Variants in BAZ2B observed in about 807,000 individuals in gnomAD.
BAZ2B encodes bromodomain adjacent to zinc finger domain 2B.
Under a neutral mutation model 246.0 loss-of-function variants are expected in BAZ2B, and 91 were observed. The ratio of observed to expected loss-of-function variants is 0.37; its 90% CI spans 0.31 to 0.44. The LOEUF (loss-of-function observed/expected upper bound fraction) is 0.44. Among genes scored for constraint, BAZ2B ranks in the 20% least tolerant of loss-of-function variants. The pLI is 1.00. For missense variants in BAZ2B, 2,332 were observed against 2,533.7 expected, an observed-to-expected ratio of 0.92 and a Z score of 1.71; for synonymous variants, 855 against 860.0, an observed-to-expected ratio of 0.99 and a Z score of 0.10.
At chr2:159,485,475 G>T (rs2079711890) in intron 2 of BAZ2B, among the ~76,000 whole-genome samples, 1 of 151,944 alleles carries the variant, frequency 6.6e-6, no homozygotes, top group African/African-American at 2.4e-5. Flanking sequence ...AAAATGAATT[G>T]CTTTTTTTGT....
At chr2:159,338,548 C>G (rs919187788) in intron 31 of BAZ2B, among the ~76,000 whole-genome samples, 19 of 152,156 alleles carry the variant, frequency 1.2e-4, no homozygotes, top group Admixed American at 1.2e-3. Flanking sequence ...ACTGAACAAT[C>G]AATGATCCTG....
the BAZ2B span, chr2:159,712,307 C>A: frequency 2.6e-5 from 4 of 152,374 alleles, no homozygotes; most frequent in Admixed American, 1.3e-4. Flanking sequence ...CAGCCGCTGC[C>A]GCTTACCAGT....
chr2:159,369,411 C>T (rs1379702452), intron 27 of BAZ2B, among the ~76,000 whole-genome samples: 1 of 152,030 alleles, frequency 6.6e-6, no homozygotes, highest in Admixed American at 6.6e-5. Context: ...CATCATGTTA[C>T]AGGTTATAGA....
At chr2:159,430,166 G>A (rs1399252350) in intron 10 of BAZ2B, among the ~76,000 whole-genome samples, 1 of 152,092 alleles carries the variant, frequency 6.6e-6, no homozygotes, top group East Asian at 1.9e-4. Flanking sequence ...TGAACAATAT[G>A]GGTTTGAACT....
At chr2:159,426,958 A>G (rs2070039461) in intron 13 of BAZ2B, among the ~76,000 whole-genome samples, 1 of 152,176 alleles carries the variant, frequency 6.6e-6, no homozygotes, top group Non-Finnish European at 1.5e-5. Flanking sequence ...GAGAGGTTCA[A>G]GGAAGAAGGA....
Position 159,344,046 on chromosome 2 carries a change from GA to G in BAZ2B, c.5454+3439del, listed in dbSNP as rs796497198. On this transcript the variant is annotated intron_variant, in intron 31 of 36. Transcript: ENST00000392783. ...CCATCTCAAAAAAAAAAAAAAAAAA[GA>G]AAAAAAAAAAAATGAGATGCTGGTA... Among the ~76,000 whole-genome samples, 1,060 of 108,940 alleles carry G rather than the reference GA, an allele frequency of 9.7e-3. 9 individuals are homozygous for G. Among genetic ancestry groups the G allele is most frequent in the African/African-American group, 0.031 (934 of 29,812 alleles). The allele number at this position is 108,940 out of a possible 152,430, so 71.5% of individuals were successfully genotyped here.
Position 159,405,244 on chromosome 2 carries a change from C to T in BAZ2B, c.2678-130G>A, listed in dbSNP as rs910506032. ...CTTTTTTTTTTGAGATGAAGTCTCG[C>T]TCTGTTGCCCAGGCTGGAGTGCAGT... On this transcript the variant is annotated intron_variant, in intron 14 of 36. Coordinates refer to ENST00000392783, the MANE Select transcript of BAZ2B (RefSeq NM_013450.4). 6.5e-5 allele frequency: 51 copies of T among 790,462 alleles called. No homozygotes were observed. In the African/African-American group the frequency reaches 7.7e-4, roughly 12 times the overall value. The allele number at this position is 790,462 out of a possible 1,614,324, so 49.0% of individuals were successfully genotyped here. A position where few individuals can be genotyped will look rare whatever the true frequency, so the allele number is the denominator to read the frequency against.
rs764729809 is a variant in BAZ2B at position 159,534,732 on chromosome 2, G to A, written c.-3+21091C>T. Among the ~76,000 whole-genome samples, 8 of 151,564 alleles carry A rather than the reference G, an allele frequency of 5.3e-5. No homozygotes were observed. The South Asian group carries it at 6.2e-4, about 12-fold the overall frequency. On this transcript the variant is annotated intron_variant, in intron 2 of 36. Transcript: ENST00000392783. The stretch of plus-strand genomic sequence containing the variant: ...AGCAATTCTTCTGCTTCAGCCTCCC[G>A]CGTAGCTGGGACTACAGGCATGCAC...
intron 31 of BAZ2B, among the ~76,000 whole-genome samples, chr2:159,345,381 C>T (rs1037395928): frequency 6.6e-6 from 1 of 151,944 alleles, no homozygotes; most frequent in African/African-American, 2.4e-5. Context: ...AATGAATATG[C>T]TAATTACTCT....
At chr2:159,565,365 A>G (rs2090285095) in intron 1 of BAZ2B, among the ~76,000 whole-genome samples, 1 of 152,242 alleles carries the variant, frequency 6.6e-6, no homozygotes, top group South Asian at 2.1e-4. Context: ...TGGAGTCTTC[A>G]AAGTTATTTT....
At chr2:159,346,391 G>A (rs1030019564) in intron 31 of BAZ2B, among the ~76,000 whole-genome samples, 1 of 152,138 alleles carries the variant, frequency 6.6e-6, no homozygotes, top group South Asian at 2.1e-4. Context: ...GGAGATTAAG[G>A]TTTCTAAACC....
chr2:159,690,094 A>T, the BAZ2B span: 2 of 541,704 alleles, frequency 3.7e-6, no homozygotes, highest in Admixed American at 6.2e-5. Context: ...CAACTTCATC[A>T]TTCTGCAAAT....
intron 27 of BAZ2B, among the ~76,000 whole-genome samples, chr2:159,369,855 A>G (rs1427762642): frequency 6.6e-6 from 1 of 152,204 alleles, no homozygotes; most frequent in East Asian, 1.9e-4. Context: ...TTATAGCAGC[A>G]TGATTTATAT....
chr2:159,705,617 A>G, the BAZ2B span, among the ~76,000 whole-genome samples: 1 of 152,200 alleles, frequency 6.6e-6, no homozygotes, highest in South Asian at 2.1e-4. Flanking sequence ...CTGGCTATCT[A>G]TTGAGAAGAC....
the BAZ2B span, among the ~76,000 whole-genome samples, chr2:159,704,303 T>C: frequency 9.2e-5 from 14 of 152,176 alleles, no homozygotes; most frequent in Non-Finnish European, 1.6e-4. Context: ...ATCCAACTGC[T>C]AAGAAAGTGA....
chr2:159,483,778 C>T (rs2079516298), intron 2 of BAZ2B, among the ~76,000 whole-genome samples: 1 of 151,500 alleles, frequency 6.6e-6, no homozygotes, highest in African/African-American at 2.4e-5. Flanking sequence ...GAGACTCCGT[C>T]TCAAACAAAA....
At chr2:159,534,354 TTTC>T (rs769512544) in intron 2 of BAZ2B, among the ~76,000 whole-genome samples, 5 of 152,222 alleles carry the variant, frequency 3.3e-5, no homozygotes, top group Non-Finnish European at 5.9e-5. Flanking sequence ...TAGCCTGTTA[TTTC>T]TAGGCTACAA....
chr2:159,555,676 TATAAG>T (rs1559764407), intron 2 of BAZ2B, 142 bp downstream of exon 2: 2 of 132,640 alleles, frequency 1.5e-5, no homozygotes, highest in East Asian at 3.9e-4. Context: ...TAGCTAGAAG[TATAAG>T]ATATGATTCA....
intron 2 of BAZ2B, among the ~76,000 whole-genome samples, chr2:159,501,097 C>T (rs1224951210): frequency 7.8e-6 from 1 of 128,462 alleles, no homozygotes; most frequent in African/African-American, 2.9e-5. Context: ...TGGTGAAACC[C>T]CATCTCTGTT....
Sources: allele counts gnomAD v4.1 joint callset (sites outside exome capture counted in the v4.1 genomes callset), GRCh38; gene constraint gnomAD v4.1.1; transcripts MANE v1.5; gene names NCBI Gene and HGNC (gene_info 2026-07-23, HGNC 2026-07-21).